The following BIN1 variants were observed in gnomAD, a reference collection of about 807,000 sequenced individuals.
BIN1 encodes myc box-dependent-interacting protein 1.
In BIN1, 53 loss-of-function variants were observed where a neutral mutation model predicts 82.0. The ratio of observed to expected loss-of-function variants is 0.65; its 90% CI spans 0.52 to 0.81. The LOEUF is 0.81. Among genes scored for constraint, BIN1 ranks in the 40% least tolerant of loss-of-function variants. The probability of loss-of-function intolerance (pLI) is 0.00; values close to 1 mark genes in which losing one functional copy is unlikely to be tolerated. For synonymous variants in BIN1, 302 were observed against 328.0 expected (o/e 0.92, Z 0.86); for missense variants, 642 against 784.4 (o/e 0.82, Z 2.17).
chr2:127,063,868 C>G, intron 8 of BIN1, 65 bp downstream of exon 8: 2 of 1,597,450 alleles, frequency 1.3e-6, no homozygotes, highest in Non-Finnish European at 1.7e-6. Flanking sequence ...AGCACGCAGA[C>G]TGGGCACCGC....
intron 12 of BIN1, chr2:127,054,441 A>G (rs1558801031): frequency 8.6e-6 from 2 of 232,050 alleles, no homozygotes; most frequent in African/African-American, 2.3e-5. Context: ...TGATCTTGCT[A>G]CCCCCCAGTG....
At chr2:127,097,426 G>A (rs549264149) in intron 1 of BIN1, among the ~76,000 whole-genome samples, 1 of 151,988 alleles carries the variant, frequency 6.6e-6, no homozygotes, top group Admixed American at 6.5e-5. Context: ...AGGCCCAGCA[G>A]CGTCAGCCCT....
Position 127,068,221 on chromosome 2 carries a change from C to T in BIN1, c.554G>A (p.Trp185Ter). The T allele has an allele frequency of 1.9e-6, 3 of 1,613,682 alleles. No homozygotes were observed. Among genetic ancestry groups the T allele is most frequent in the Non-Finnish European group, 2.5e-6 (3 of 1,179,966 alleles). ...ATGAGCCTGCAGTTTGCCTTGGCACCACTGGGGGGCGGCTTTCTCAAGCAG... is the reference window on the plus strand; with the variant it reads ...ATGAGCCTGCAGTTTGCCTTGGCACTACTGGGGGGCGGCTTTCTCAAGCAG... ...VSLLEKAAPQWCQGKLQAHLV... is the reference protein window; with the variant it reads ...VSLLEKAAPQ Residue 185 changes from tryptophan (W) to a stop codon, truncating the protein, a stop_gained, in exon 7 of 19, where the codon TGG (tryptophan) becomes TAG (stop). Coordinates refer to ENST00000316724, the MANE Select transcript of BIN1 (RefSeq NM_139343.3). LOFTEE classifies it high-confidence loss of function. This position sits in a 1 kb window ranked among gnomAD's most constrained non-coding sequence, Gnocchi z 4.9.
At chr2:127,084,247 G>T (rs138183607) in intron 1 of BIN1, among the ~76,000 whole-genome samples, 2 of 152,306 alleles carry the variant, frequency 1.3e-5, no homozygotes, top group Non-Finnish European at 2.9e-5. Context: ...TAGCATCTTG[G>T]CTGGAACCCG....
chr2:127,060,650 C>T (rs368383349), intron 10 of BIN1: 35 of 1,614,016 alleles, frequency 2.2e-5, no homozygotes, highest in Non-Finnish European at 2.8e-5. Flanking sequence ...TCTGTGGGGA[C>T]GGACGGGAGG....
chr2:127,066,481 A>C (rs1304504659), intron 7 of BIN1, among the ~76,000 whole-genome samples: 1 of 152,168 alleles, frequency 6.6e-6, no homozygotes, highest in Non-Finnish European at 1.5e-5. Flanking sequence ...TCCACAAAAA[A>C]ATGTTTCACC....
rs1679148782 is a variant in BIN1 at position 127,093,092 on chromosome 2, T to C, written c.84+13768A>G. On this transcript the variant is annotated intron_variant, in intron 1 of 18. Transcript: ENST00000316724. The surrounding 1 kb of genome is among the most constrained non-coding windows in gnomAD (Gnocchi z 5.7). ...CCCAGCCACCCCCACGCTAGGGCTGTCCACAGAGAGAGGGGTCAGGGAGGG... is the reference window on the plus strand; with the variant it reads ...CCCAGCCACCCCCACGCTAGGGCTGCCCACAGAGAGAGGGGTCAGGGAGGG... 6.6e-6 allele frequency among the ~76,000 whole-genome samples: 1 copy of C among 151,386 alleles called. No individual in the cohort carries two copies. Among genetic ancestry groups the C allele is most frequent in the African/African-American group, 2.4e-5 (1 of 41,158 alleles).
intron 15 of BIN1, among the ~76,000 whole-genome samples, chr2:127,051,518 T>C (rs1682946781): frequency 6.6e-6 from 1 of 151,792 alleles, no homozygotes; most frequent in Non-Finnish European, 1.5e-5. Flanking sequence ...AGCCCCAGAG[T>C]GCCACCCCCA....
At chr2:127,099,711 A>G (rs1439514715) in intron 1 of BIN1, among the ~76,000 whole-genome samples, 3 of 151,732 alleles carry the variant, frequency 2.0e-5, no homozygotes, top group Non-Finnish European at 4.4e-5. Flanking sequence ...ACGGGGGTTC[A>G]CCATGTTGGC....
intron 1 of BIN1, among the ~76,000 whole-genome samples, chr2:127,105,508 T>C (rs1236090954): frequency 1.7e-5 from 2 of 120,736 alleles, no homozygotes; most frequent in African/African-American, 5.9e-5. Context: ...CCTCCTTCCC[T>C]GGGGTGGGGG....
chr2:127,078,279 GGCC>G (rs1573699385), intron 1 of BIN1, among the ~76,000 whole-genome samples: 1 of 152,340 alleles, frequency 6.6e-6, no homozygotes, highest in East Asian at 1.9e-4. Flanking sequence ...TGGGCACCTT[GGCC>G]GGTACAGCAG....
intron 1 of BIN1, among the ~76,000 whole-genome samples, chr2:127,083,067 T>C (rs1687498776): frequency 6.6e-6 from 1 of 150,540 alleles, no homozygotes. Flanking sequence ...GCCACACTCA[T>C]TTGCTTTTTT....
chr2:127,088,361 C>A (rs1025415623), intron 1 of BIN1, among the ~76,000 whole-genome samples: 16 of 151,754 alleles, frequency 1.1e-4, no homozygotes, highest in African/African-American at 2.4e-5. Context: ...CTATGGGAAG[C>A]CAAGCAAGGT....
At chr2:127,081,419 C>T (rs1016046600) in intron 1 of BIN1, among the ~76,000 whole-genome samples, 1 of 152,222 alleles carries the variant, frequency 6.6e-6, no homozygotes, top group African/African-American at 2.4e-5. Context: ...CGGGCTCACC[C>T]GGCTGGGCCC....
chr2:127,070,856 G>A (rs758420518), intron 2 of BIN1, 40 bp from the exon 3 acceptor site: 2 of 1,592,438 alleles, frequency 1.3e-6, no homozygotes, highest in Admixed American at 1.7e-5. Flanking sequence ...GGGACTGGTG[G>A]CACACCCAGT....
intron 1 of BIN1, among the ~76,000 whole-genome samples, chr2:127,102,126 C>T (rs749007): frequency 0.18 from 27,270 of 152,184 alleles, 2,815 homozygotes; most frequent in Non-Finnish European, 0.23. Flanking sequence ...AGGAAGGGTC[C>T]GCAGCATGTC....
At chr2:127,061,240 C>T (rs962165873) in intron 10 of BIN1, among the ~76,000 whole-genome samples, 5 of 149,626 alleles carry the variant, frequency 3.3e-5, no homozygotes, top group Admixed American at 2.7e-4. Flanking sequence ...ACAACGCCAC[C>T]GTCCTAACCT....
At chr2:127,097,092 CA>C (rs1447094127) in intron 1 of BIN1, among the ~76,000 whole-genome samples, 1 of 152,194 alleles carries the variant, frequency 6.6e-6, no homozygotes, top group African/African-American at 2.4e-5. Flanking sequence ...GTCCTGGAGC[CA>C]GGGGTCCCCA....
At chr2:127,064,434 T>C (rs1684891767) in intron 7 of BIN1, among the ~76,000 whole-genome samples, 1 of 152,186 alleles carries the variant, frequency 6.6e-6, no homozygotes, top group African/African-American at 2.4e-5. Flanking sequence ...TGCCACTGCC[T>C]TCTGGCTCTC....
Sources: gnomAD v4.1 joint callset for allele counts (sites outside exome capture counted in the v4.1 genomes callset) on GRCh38, gnomAD v4.1.1 for gene constraint, Gnocchi (gnomAD v3.1) non-coding constraint, MANE v1.5 for transcripts, NCBI Gene and HGNC (gene_info 2026-07-23, HGNC 2026-07-21) for gene names.